The following ASB17 variants were observed in gnomAD, a reference collection of about 807,000 sequenced individuals.
The protein encoded by ASB17 is ankyrin repeat and SOCS box protein 17.
A neutral mutation model predicts 25.7 loss-of-function variants in ASB17; 26 were observed. That is an observed-to-expected ratio of 1.01 (90% CI 0.74 to 1.40). The LOEUF is 1.40. ASB17 is among the 40% of genes most tolerant of loss of function. The pLI is 0.00. For synonymous variants in ASB17, 128 were observed against 121.4 expected (o/e 1.05, Z -0.36); for missense variants, 326 against 338.5 (o/e 0.96, Z 0.29).
intron 2 of ASB17, 25 bp from the exon 3 acceptor site, chr1:75,919,183 T>C: frequency 6.7e-7 from 1 of 1,482,688 alleles, no homozygotes; most frequent in Non-Finnish European, 9.3e-7. Context: ...AATATTTTAC[T>C]TTTGTAATGT....
Position 75,919,126 on chromosome 1 carries a change from A to C in ASB17, c.714T>G (p.Ile238Met). Residue 238 changes from isoleucine (I) to methionine (M), a missense_variant, in exon 3 of 3, where the codon ATT (isoleucine) becomes ATG (methionine). Coordinates refer to ENST00000284142, the MANE Select transcript of ASB17 (RefSeq NM_080868.3). ...TQLSLGRHPI[I>M]SNWFDYIPST... is the part of the protein sequence containing the mutation. Reference sequence around the variant, plus strand: ...AAGGAATGTAATCAAACCAATTTGAAATAATTGGATGTCTTCCTAAACTCA... The same window carrying C: ...AAGGAATGTAATCAAACCAATTTGACATAATTGGATGTCTTCCTAAACTCA... The C allele has an allele frequency of 6.2e-7, 1 of 1,612,674 alleles. No individual in the cohort carries two copies. The highest frequency in any genetic ancestry group is 8.5e-7 in the Non-Finnish European group (1 of 1,179,354).
intron 1 of ASB17, among the ~76,000 whole-genome samples, chr1:75,923,746 A>C (rs1307089599): frequency 1.3e-5 from 2 of 152,196 alleles, no homozygotes; most frequent in Non-Finnish European, 2.9e-5. Context: ...TATAAACAAT[A>C]GAGACAAGTG....
chr1:75,931,911 A>G lies in ASB17; in HGVS notation c.381T>C (p.Cys127=), dbSNP rs779576040. The G allele has an allele frequency of 1.2e-6, 2 of 1,602,936 alleles. No individual in the cohort carries two copies. The highest frequency in any genetic ancestry group is 1.7e-5 in the Admixed American group (1 of 58,124). ...KTKDYVQDRS[C]NLALIWRTFT... The stretch of plus-strand genomic sequence containing the variant: ...ATTACCTCCATATCAGTGCCAGGTT[A>G]CAACTTCTGTCTTGAACATAGTCTT... Residue 127 remains cysteine (C), a synonymous_variant, in exon 1 of 3, where the codon TGT becomes TGC. Coordinates refer to ENST00000284142, the MANE Select transcript of ASB17 (RefSeq NM_080868.3).
intron 1 of ASB17, among the ~76,000 whole-genome samples, chr1:75,923,386 T>G (rs1241567216): frequency 6.6e-6 from 1 of 152,184 alleles, no homozygotes; most frequent in East Asian, 1.9e-4. Flanking sequence ...ATGAAAACTT[T>G]ATTTTTTTAA....
chr1:75,922,488 C>CTTTTTTTTTTTTTT (rs3037164), intron 1 of ASB17, 129 bp from the exon 2 acceptor site: 46 of 122,356 alleles, frequency 3.8e-4, no homozygotes, highest in Non-Finnish European at 4.5e-4. Flanking sequence ...TTATATGTTT[C>CTTTTTTTTTTTTTT]TTTTTTTTTT....
intron 2 of ASB17, among the ~76,000 whole-genome samples, chr1:75,920,201 G>T (rs1431944644): frequency 6.6e-6 from 1 of 152,180 alleles, no homozygotes; most frequent in Non-Finnish European, 1.5e-5. Flanking sequence ...ACACAGGCCT[G>T]TCCAAATGAA....
At chr1:75,920,027 A>T (rs969479633) in intron 2 of ASB17, among the ~76,000 whole-genome samples, 2 of 152,218 alleles carry the variant, frequency 1.3e-5, no homozygotes, top group Non-Finnish European at 2.9e-5. Flanking sequence ...CAACTTAGCC[A>T]TATAGAATTA....
intron 1 of ASB17, among the ~76,000 whole-genome samples, chr1:75,924,826 G>T (rs1313649240): frequency 3.3e-5 from 5 of 149,960 alleles, no homozygotes; most frequent in Admixed American, 6.6e-5. Context: ...TTTCAATTCT[G>T]CAATAAGTCT....
chr1:75,919,192 G>A, intron 2 of ASB17, 34 bp from the exon 3 acceptor site: 1 of 1,479,430 alleles, frequency 6.8e-7, no homozygotes, highest in Non-Finnish European at 9.3e-7. Flanking sequence ...CTTTTGTAAT[G>A]TTTTGTAATT....
intron 1 of ASB17, among the ~76,000 whole-genome samples, chr1:75,929,536 A>C (rs547014214): frequency 6.6e-6 from 1 of 152,292 alleles, no homozygotes; most frequent in Non-Finnish European, 1.5e-5. Context: ...GGGTTTTTAA[A>C]AAAGGGGTAT....
At chr1:75,925,615 G>A (rs1450631061) in intron 1 of ASB17, among the ~76,000 whole-genome samples, 2 of 152,036 alleles carry the variant, frequency 1.3e-5, no homozygotes, top group African/African-American at 2.4e-5. Context: ...GTACTTATAT[G>A]GATGAAGTGC....
chr1:75,928,065 A>G (rs1429399758), intron 1 of ASB17, among the ~76,000 whole-genome samples: 2 of 152,186 alleles, frequency 1.3e-5, no homozygotes, highest in Non-Finnish European at 2.9e-5. Context: ...AGAAAGAAGA[A>G]ACTCTTTGTT....
At position 75,922,103 on chromosome 1, in the gene ASB17, C is replaced by T. The variant is rs1054798346; in HGVS notation, c.658G>A (p.Val220Ile). 1 of 1,608,606 alleles carries T rather than the reference C, an allele frequency of 6.2e-7. No individual in the cohort carries two copies. Among genetic ancestry groups the T allele is most frequent in the Non-Finnish European group, 8.5e-7 (1 of 1,176,704 alleles). Residue 220 changes from valine (V) to isoleucine (I), a missense_variant, in exon 2 of 3, where the codon GTC (valine) becomes ATC (isoleucine). By Grantham distance (29) the Val-to-Ile change is conservative. Transcript: ENST00000284142. ...ACCTTTATTTCCTTGACTGAAATGA[C>T]AGAAAGCACTCTGGAACATAGTACC... ...CLVLCSRVLSVISVKEIKTQL... is the reference protein window; with the variant it reads ...CLVLCSRVLSIISVKEIKTQL...
At chr1:75,930,958 G>A (rs916400660) in intron 1 of ASB17, among the ~76,000 whole-genome samples, 8 of 152,168 alleles carry the variant, frequency 5.3e-5, no homozygotes, top group African/African-American at 1.4e-4. Flanking sequence ...CCAAACTACA[G>A]CTATCAGTTC....
rs1653337468 is a variant in ASB17 at position 75,932,123 on chromosome 1, A to G, written c.169T>C (p.Tyr57His). The G allele has an allele frequency of 6.2e-7, 1 of 1,614,104 alleles. No homozygotes were observed. Among genetic ancestry groups the G allele is most frequent in the Non-Finnish European group, 8.5e-7 (1 of 1,179,996 alleles). The stretch of plus-strand genomic sequence containing the variant: ...GCGTCAAAACCATCCAAGTCCACAT[A>G]CCTCAGAATTTTTGCCAGTGATCTG... ...IYRSLAKILR[Y>H]VDLDGFDALL... is the part of the protein sequence containing the mutation. Residue 57 changes from tyrosine to histidine, a missense_variant, in exon 1 of 3, where the codon TAT (tyrosine) becomes CAT (histidine). By Grantham distance (83) the Tyr-to-His change is moderately conservative. Transcript: ENST00000284142.
intron 1 of ASB17, among the ~76,000 whole-genome samples, chr1:75,923,536 T>G (rs992128865): frequency 6.6e-6 from 1 of 152,190 alleles, no homozygotes; most frequent in African/African-American, 2.4e-5. Flanking sequence ...AATATGGTTT[T>G]TAGGCTAATG....
intron 1 of ASB17, among the ~76,000 whole-genome samples, chr1:75,927,649 A>G (rs1653206496): frequency 6.6e-6 from 1 of 150,792 alleles, no homozygotes; most frequent in South Asian, 2.1e-4. Context: ...TTCTCTAACC[A>G]CCCCCCTTTA....
intron 2 of ASB17, among the ~76,000 whole-genome samples, chr1:75,921,290 A>G (rs1653021195): frequency 1.3e-5 from 2 of 152,168 alleles, no homozygotes; most frequent in Non-Finnish European, 2.9e-5. Context: ...ATTCATATTC[A>G]CTGCTGAGGC....
chr1:75,919,860 TC>T (rs1200686189), intron 2 of ASB17, among the ~76,000 whole-genome samples: 1 of 152,220 alleles, frequency 6.6e-6, no homozygotes, highest in Non-Finnish European at 1.5e-5. Flanking sequence ...TGTGCATGTG[TC>T]TTTATAGCAG....
Sources: allele counts gnomAD v4.1 joint callset (sites outside exome capture counted in the v4.1 genomes callset), GRCh38; gene constraint gnomAD v4.1.1; transcripts MANE v1.5; gene names NCBI Gene and HGNC (gene_info 2026-07-23, HGNC 2026-07-21).